CREB3L2: variants seen among roughly 807,000 people sequenced by gnomAD.
CREB3L2 encodes the protein cyclic AMP-responsive element-binding protein 3-like protein 2.
In CREB3L2, 23 loss-of-function variants were observed where a neutral mutation model predicts 57.2. That is an observed-to-expected ratio of 0.40 (90% confidence interval 0.29 to 0.57). The LOEUF (loss-of-function observed/expected upper bound fraction) is 0.57. Ranked by LOEUF, CREB3L2 falls within the 20% of genes least tolerant of loss-of-function variation. The pLI, the probability that CREB3L2 is intolerant of heterozygous loss-of-function variation, is 0.42. For synonymous variants in CREB3L2, 268 were observed against 265.1 expected (o/e 1.01, Z -0.11); for missense variants, 628 against 634.7 (o/e 0.99, Z 0.11).
At position 137,905,895 on chromosome 7, in the gene CREB3L2, A is replaced by T. The variant is rs1489170934; in HGVS notation, c.769-47T>A. On this transcript the variant is annotated intron_variant, in intron 5 of 11. Coordinates refer to ENST00000330387, the MANE Select transcript of CREB3L2 (RefSeq NM_194071.4). The stretch of plus-strand genomic sequence containing the variant: ...AAAGGGTCAAAGAAAAAGAACTGGG[A>T]CCACTGAAGAATCACCTCCCAATGG... 8 of 1,527,760 alleles carry T rather than the reference A, an allele frequency of 5.2e-6. No individual in the cohort carries two copies. In the East Asian group the frequency reaches 1.4e-4, roughly 26 times the overall value. The allele number at this position is 1,527,760 out of a possible 1,614,324, so 94.6% of individuals were successfully genotyped here. A position where few individuals can be genotyped will look rare whatever the true frequency, so the allele number is the denominator to read the frequency against.
chr7:137,971,515 G>C (rs1801506876), intron 1 of CREB3L2, among the ~76,000 whole-genome samples: 1 of 151,910 alleles, frequency 6.6e-6, no homozygotes, highest in Admixed American at 6.6e-5. Flanking sequence ...CAACACTGCA[G>C]ACACCGCAGA....
intron 3 of CREB3L2, 92 bp from the exon 4 acceptor site, chr7:137,913,170 T>C (rs1299889302): frequency 1.5e-5 from 20 of 1,300,672 alleles, no homozygotes; most frequent in Non-Finnish European, 2.0e-5. Flanking sequence ...TGTCTTCCTC[T>C]CGGGACAGCC....
chr7:137,890,647 A>G lies in CREB3L2; in HGVS notation c.1044-5145T>C, dbSNP rs1387695337. Reference sequence around the variant, plus strand: ...TGCTGAAGCAAATACATCTTTGAAGAGTGCTTGCTGTCTCTTTTCACTGAT... The same window carrying G: ...TGCTGAAGCAAATACATCTTTGAAGGGTGCTTGCTGTCTCTTTTCACTGAT... On this transcript the variant is annotated intron_variant, in intron 8 of 11. Coordinates refer to ENST00000330387, the MANE Select transcript of CREB3L2 (RefSeq NM_194071.4). Among the ~76,000 whole-genome samples the G allele has an allele frequency of 2.0e-5, 3 of 152,192 alleles. No individual in the cohort carries two copies. The East Asian group carries it at 5.8e-4, about 29-fold the overall frequency.
chr7:137,982,349 C>A (rs938974993), intron 1 of CREB3L2, among the ~76,000 whole-genome samples: 5 of 152,240 alleles, frequency 3.3e-5, no homozygotes, highest in South Asian at 2.1e-4. Flanking sequence ...TCCTTGGGAA[C>A]CTTATGAAAC....
In CREB3L2 at chr7:137,908,611, G is replaced by T. The variant is rs181382071; in HGVS notation, c.584-175C>A. On this transcript the variant is annotated intron_variant, in intron 4 of 11. Coordinates refer to ENST00000330387, the MANE Select transcript of CREB3L2 (RefSeq NM_194071.4). The stretch of plus-strand genomic sequence containing the variant: ...TTTTGTATGAAAAAGGAGAGAAAGA[G>T]GATATAGACCCACATTTGCTTATAC... Among the ~76,000 whole-genome samples, 613 of 152,256 alleles carry T rather than the reference G, an allele frequency of 4.0e-3. 2 individuals carry two copies. Among genetic ancestry groups the T allele is most frequent in the African/African-American group, 0.014 (586 of 41,538 alleles).
chr7:137,908,327 C>T lies in CREB3L2; in HGVS notation c.693G>A (p.Gln231=). The T allele has an allele frequency of 8.0e-7, 1 of 1,257,006 alleles. No homozygotes were observed. Among genetic ancestry groups the T allele is most frequent in the East Asian group, 3.1e-5 (1 of 32,338 alleles). 77.9% of individuals were successfully genotyped at this position (1,257,006 alleles called of 1,614,324 possible). ...NPRLHPFSLP[Q]THSPSRAAPR... ...GTGCAGCTCTGGAGGGGCTGTGGGT[C>T]TGAGGCAGGCTGAAGGGGTGCAGGC... Residue 231 remains glutamine, a synonymous_variant, in exon 5 of 12, where the codon CAG becomes CAA. Coordinates refer to ENST00000330387, the MANE Select transcript of CREB3L2 (RefSeq NM_194071.4).
chr7:137,988,086 C>T (rs1046876867), intron 1 of CREB3L2, among the ~76,000 whole-genome samples: 2 of 152,226 alleles, frequency 1.3e-5, no homozygotes, highest in East Asian at 3.9e-4. Flanking sequence ...AGGCAGAATT[C>T]TCCTTCCTCT....
At chr7:137,949,579 C>A (rs1217993619) in intron 1 of CREB3L2, among the ~76,000 whole-genome samples, 1 of 152,144 alleles carries the variant, frequency 6.6e-6, no homozygotes, top group Non-Finnish European at 1.5e-5. Flanking sequence ...ACCCCTTTGA[C>A]CTGGGTATGT....
chr7:137,983,184 A>G (rs1452848502), intron 1 of CREB3L2, among the ~76,000 whole-genome samples: 2 of 152,176 alleles, frequency 1.3e-5, no homozygotes, highest in Non-Finnish European at 2.9e-5. Flanking sequence ...TAGTCTCCTT[A>G]TTTCTGCCCC....
At chr7:137,918,799 T>C (rs1039265965) in intron 2 of CREB3L2, among the ~76,000 whole-genome samples, 2 of 152,130 alleles carry the variant, frequency 1.3e-5, no homozygotes, top group Non-Finnish European at 2.9e-5. Flanking sequence ...TAGAATCAGT[T>C]ATTCCAATCT....
intron 3 of CREB3L2, among the ~76,000 whole-genome samples, chr7:137,914,486 G>C (rs996418772): frequency 6.6e-6 from 1 of 152,118 alleles, no homozygotes; most frequent in Non-Finnish European, 1.5e-5. Flanking sequence ...ACAAAAATTA[G>C]CCAGGCGTGG....
At chr7:137,982,770 A>G (rs1563273145) in intron 1 of CREB3L2, among the ~76,000 whole-genome samples, 1 of 152,152 alleles carries the variant, frequency 6.6e-6, no homozygotes, top group Non-Finnish European at 1.5e-5. Flanking sequence ...CTGCAAATTC[A>G]TATGCTGAAG....
At chr7:137,956,623 T>G in intron 1 of CREB3L2, 1 of 1,289,142 alleles carries the variant, frequency 7.8e-7, no homozygotes, top group South Asian at 1.2e-5. Flanking sequence ...TGCCGAATAT[T>G]TCTCGAGAAG....
rs1802067793 is a variant in CREB3L2 at position 138,001,169 on chromosome 7, GGAGA to G, written c.102+431_102+434del. On this transcript the variant is annotated intron_variant, in intron 1 of 11. Coordinates refer to ENST00000330387, the MANE Select transcript of CREB3L2 (RefSeq NM_194071.4). This position sits in a 1 kb window ranked among gnomAD's most constrained non-coding sequence, Gnocchi z 4.2. Reference sequence around the variant, plus strand: ...TAAATATGAAAGAAGAGGAAGGGAGGGAGAGAGGGAGAGAGAATACGAGACAGAT... The same window carrying G: ...TAAATATGAAAGAAGAGGAAGGGAGGGAGGGAGAGAGAATACGAGACAGAT... 6.7e-6 allele frequency among the ~76,000 whole-genome samples: 1 copy of G among 148,702 alleles called. No individual in the cohort carries two copies. The highest frequency in any genetic ancestry group is 1.5e-5 in the Non-Finnish European group (1 of 67,102).
Position 137,877,516 on chromosome 7 carries a change from A to G in CREB3L2, c.*2960T>C, listed in dbSNP as rs533252460. ...AAAGTCGAGGGCTGTGAAAAGAACC[A>G]CGGTGGGGGGTCTGGGTTACTCAGG... On this transcript the variant is annotated 3_prime_UTR_variant, in exon 12 of 12. Transcript: ENST00000330387. 3 of 226,336 alleles carry G rather than the reference A, an allele frequency of 1.3e-5. No homozygotes were observed. In the East Asian group the frequency reaches 1.9e-4, roughly 14 times the overall value. The allele number at this position is 226,336 out of a possible 1,614,324, so 14.0% of individuals were successfully genotyped here.
intron 6 of CREB3L2, 51 bp downstream of exon 6, chr7:137,905,651 C>T: frequency 1.3e-6 from 2 of 1,597,238 alleles, no homozygotes; most frequent in Non-Finnish European, 8.6e-7. Flanking sequence ...GGGATGCTGA[C>T]TCGATTCTGC....
chr7:137,969,242 A>G (rs1206255491), intron 1 of CREB3L2, among the ~76,000 whole-genome samples: 1 of 152,182 alleles, frequency 6.6e-6, no homozygotes, highest in East Asian at 1.9e-4. Context: ...AGAGGTGGCT[A>G]TAAAGGACAT....
In CREB3L2 at chr7:137,927,278, G is replaced by GAAAGGAAAGGAAAGGAAAGGAAAGGAGGA. The variant is rs35701640; in HGVS notation, c.319+871_319+872insTCCTCCTTTCCTTTCCTTTCCTTTCCTTT. 1.7e-3 allele frequency among the ~76,000 whole-genome samples: 235 copies of GAAAGGAAAGGAAAGGAAAGGAAAGGAGGA among 136,620 alleles called. 2 individuals are homozygous for GAAAGGAAAGGAAAGGAAAGGAAAGGAGGA. Among genetic ancestry groups the GAAAGGAAAGGAAAGGAAAGGAAAGGAGGA allele is most frequent in the African/African-American group, 6.9e-3 (223 of 32,126 alleles). The allele number at this position is 136,620 out of a possible 152,430, so 89.6% of individuals were successfully genotyped here. On this transcript the variant is annotated intron_variant, in intron 2 of 11. Coordinates refer to ENST00000330387, the MANE Select transcript of CREB3L2 (RefSeq NM_194071.4). ...GAACAGAACGGAAAGGAAAGGAAAG[G>GAAAGGAAAGGAAAGGAAAGGAAAGGAGGA]AGGAAGGAAGGAAGGAAGGGTGGGA...
chr7:137,956,713 C>G (rs1801220273), intron 1 of CREB3L2: 2 of 1,110,432 alleles, frequency 1.8e-6, no homozygotes. Context: ...ATTTCACAAT[C>G]CAGGTTCTGA....
Sources: allele counts gnomAD v4.1 joint callset (sites outside exome capture counted in the v4.1 genomes callset), GRCh38; gene constraint gnomAD v4.1.1; non-coding constraint Gnocchi (gnomAD v3.1); transcripts MANE v1.5; gene names NCBI Gene and HGNC (gene_info 2026-07-23, HGNC 2026-07-21).